RANBP17: variants seen among roughly 807,000 people sequenced by gnomAD.
The protein encoded by RANBP17 is RAN binding protein 17.
RANBP17 carries 158 observed loss-of-function variants against 141.2 expected under a neutral mutation model. That is an observed-to-expected ratio of 1.12 (90% CI 0.98 to 1.28). The LOEUF is 1.28. Among genes scored for constraint, RANBP17 ranks in the 50% most tolerant of loss-of-function variants. RANBP17 has a pLI of 0.00. For missense variants in RANBP17, 1,438 were observed against 1,290.7 expected (o/e 1.11, Z -1.75); for synonymous variants, 430 against 450.0 (o/e 0.96, Z 0.56).
intron 14 of RANBP17, among the ~76,000 whole-genome samples, chr5:171,165,772 A>C (rs979389342): frequency 3.9e-5 from 6 of 152,180 alleles, no homozygotes; most frequent in African/African-American, 7.2e-5. Context: ...ATATTCTATT[A>C]TATGTTTTGA....
intron 3 of RANBP17, among the ~76,000 whole-genome samples, chr5:170,887,937 G>A (rs1297397402): frequency 6.6e-6 from 1 of 152,162 alleles, no homozygotes; most frequent in African/African-American, 2.4e-5. Flanking sequence ...AGCACTCTTG[G>A]TGTACTCATC....
At chr5:171,043,921 G>A (rs554690958) in intron 14 of RANBP17, among the ~76,000 whole-genome samples, 18 of 152,224 alleles carry the variant, frequency 1.2e-4, no homozygotes, top group South Asian at 6.2e-4. Context: ...ATCTATCAAA[G>A]TATTAATAAA....
rs142295824 is a variant in RANBP17, at chr5:171,178,415, T to C, written c.1866-4752T>C. Among the ~76,000 whole-genome samples, 739 of 152,298 alleles carry C rather than the reference T, an allele frequency of 4.9e-3. 12 individuals carry two copies. In the East Asian group the frequency reaches 0.049, roughly 10 times the overall value. On this transcript the variant is annotated intron_variant, in intron 16 of 27. Coordinates refer to ENST00000523189, the MANE Select transcript of RANBP17 (RefSeq NM_022897.5). ...ATGTGCACATTTTCTTTATCCGGTCTATCATTGATGGGCATTTGGGTTGGT... is the reference window on the plus strand; with the variant it reads ...ATGTGCACATTTTCTTTATCCGGTCCATCATTGATGGGCATTTGGGTTGGT...
At chr5:171,106,433 G>T (rs1400527645) in intron 14 of RANBP17, among the ~76,000 whole-genome samples, 1 of 152,096 alleles carries the variant, frequency 6.6e-6, no homozygotes, top group Non-Finnish European at 1.5e-5. Context: ...GAGAATACTG[G>T]GTGTTAGAGA....
At chr5:171,195,871 A>G (rs544130979) in intron 18 of RANBP17, among the ~76,000 whole-genome samples, 1 of 152,326 alleles carries the variant, frequency 6.6e-6, no homozygotes, top group East Asian at 1.9e-4. Flanking sequence ...ATGACTTGCA[A>G]CAGTACTTTG....
At chr5:170,926,400 T>C (rs1772923028) in intron 12 of RANBP17, among the ~76,000 whole-genome samples, 1 of 152,196 alleles carries the variant, frequency 6.6e-6, no homozygotes, top group African/African-American at 2.4e-5. Flanking sequence ...ACTCTGCTGA[T>C]TAATAAGTTT....
intron 14 of RANBP17, among the ~76,000 whole-genome samples, chr5:171,131,471 G>A (rs1229899557): frequency 6.6e-6 from 1 of 152,188 alleles, no homozygotes; most frequent in East Asian, 1.9e-4. Flanking sequence ...ATTAAAAGCA[G>A]AGGCCCATCA....
At chr5:171,172,881 T>A (rs1561730059) in intron 16 of RANBP17, among the ~76,000 whole-genome samples, 1 of 152,082 alleles carries the variant, frequency 6.6e-6, no homozygotes, top group East Asian at 1.9e-4. Context: ...TAGCCTTTTA[T>A]TTTACATGCT....
intron 5 of RANBP17, among the ~76,000 whole-genome samples, chr5:170,905,178 A>G (rs1770977073): frequency 6.6e-6 from 1 of 152,178 alleles, no homozygotes; most frequent in Non-Finnish European, 1.5e-5. Context: ...CTTCTCCCCA[A>G]CAGTGCTTTT....
intron 24 of RANBP17, among the ~76,000 whole-genome samples, chr5:171,251,641 A>G (rs1430338251): frequency 6.6e-6 from 1 of 152,092 alleles, no homozygotes; most frequent in African/African-American, 2.4e-5. Flanking sequence ...GGAAGTTTAT[A>G]GGCTTGAGCG....
chr5:171,137,635 T>C (rs1396161768), intron 14 of RANBP17, among the ~76,000 whole-genome samples: 2 of 151,574 alleles, frequency 1.3e-5, no homozygotes, highest in African/African-American at 4.8e-5. Flanking sequence ...TCTGTGTGTG[T>C]GTGTATTCCC....
chr5:170,941,005 A>C (rs1380427546), intron 12 of RANBP17, among the ~76,000 whole-genome samples: 2 of 152,194 alleles, frequency 1.3e-5, no homozygotes, highest in Admixed American at 1.3e-4. Context: ...GGGAATTTAA[A>C]ACATATACTT....
chr5:170,917,610 A>G (rs1371984095), intron 9 of RANBP17, among the ~76,000 whole-genome samples: 2 of 152,116 alleles, frequency 1.3e-5, no homozygotes, highest in South Asian at 2.1e-4. Flanking sequence ...ATATTCTCAG[A>G]AGTGTTTTAT....
Position 170,885,536 on chromosome 5 carries a change from C to T in RANBP17, c.256+3640C>T, listed in dbSNP as rs150737672. 2.2e-3 allele frequency among the ~76,000 whole-genome samples: 337 copies of T among 152,288 alleles called. 1 individual carries two copies. The highest frequency in any genetic ancestry group is 7.3e-3 in the African/African-American group (303 of 41,544). On this transcript the variant is annotated intron_variant, in intron 3 of 27. Transcript: ENST00000523189. ...GAAAGCCTCTTATAATCATTCTTAA[C>T]CTCTTTGTAGCTAAAAGTTTAGAGT... is the stretch of plus-strand genomic sequence containing the variant.
At chr5:171,228,080 T>A (rs575541693) in intron 22 of RANBP17, among the ~76,000 whole-genome samples, 4 of 152,160 alleles carry the variant, frequency 2.6e-5, no homozygotes, top group African/African-American at 9.7e-5. Context: ...GATCAAGGAG[T>A]AATTTTGACT....
Position 170,924,345 on chromosome 5 carries a change from C to G in RANBP17, c.1275-12C>G. On this transcript the variant is annotated splice_polypyrimidine_tract_variant and intron_variant, in intron 11 of 27. Coordinates refer to ENST00000523189, the MANE Select transcript of RANBP17 (RefSeq NM_022897.5). ...TTCTAATGTTGTCTGCAAACTTATT[C>G]TGTGTTTGCAGAGATCACTTAGATG... The G allele has an allele frequency of 1.3e-6, 2 of 1,520,852 alleles. No homozygotes were observed. The highest frequency in any genetic ancestry group is 1.8e-6 in the Non-Finnish European group (2 of 1,113,686). The allele number at this position is 1,520,852 out of a possible 1,614,324, so 94.2% of individuals were successfully genotyped here.
chr5:171,070,644 G>T (rs990189450), intron 14 of RANBP17, among the ~76,000 whole-genome samples: 5 of 151,960 alleles, frequency 3.3e-5, no homozygotes, highest in African/African-American at 1.2e-4. Flanking sequence ...AAATTAGAAT[G>T]GTCTACTCAT....
At chr5:171,292,329 C>G (rs1251178515) in intron 25 of RANBP17, among the ~76,000 whole-genome samples, 1 of 152,232 alleles carries the variant, frequency 6.6e-6, no homozygotes, top group Non-Finnish European at 1.5e-5. Context: ...ATTGCTGTTA[C>G]TATATCCCTT....
intron 5 of RANBP17, among the ~76,000 whole-genome samples, chr5:170,904,969 A>G (rs1200058588): frequency 1.3e-5 from 2 of 152,160 alleles, no homozygotes; most frequent in South Asian, 4.1e-4. Context: ...TTAGATAAGA[A>G]CTTGTTTTCT....
Sources: gnomAD v4.1 joint callset for allele counts (sites outside exome capture counted in the v4.1 genomes callset) on GRCh38, gnomAD v4.1.1 for gene constraint, MANE v1.5 for transcripts, NCBI Gene and HGNC (gene_info 2026-07-23, HGNC 2026-07-21) for gene names.